Variants in MBNL2 observed in about 807,000 individuals in gnomAD.
MBNL2 encodes muscleblind-like protein 2.
In MBNL2, 17 loss-of-function variants were observed where a neutral mutation model predicts 41.9. That is an observed-to-expected ratio of 0.41 (90% CI 0.28 to 0.61). The LOEUF (loss-of-function observed/expected upper bound fraction) is 0.61. Ranked by LOEUF, MBNL2 falls within the 20% of genes least tolerant of loss-of-function variation. MBNL2 has a pLI of 0.35. For synonymous variants in MBNL2, 195 were observed against 182.9 expected (o/e 1.07, Z -0.53); for missense variants, 336 against 505.6 (o/e 0.66, Z 3.22).
upstream of MBNL2, among the ~76,000 whole-genome samples, chr13:97,217,793 G>A (rs1217287457): frequency 6.6e-6 from 1 of 152,084 alleles, no homozygotes; most frequent in African/African-American, 2.4e-5. Flanking sequence ...CTGAGGTGTG[G>A]TAAATGGAGT....
At chr13:97,298,043 C>T (rs1287851510) in intron 2 of MBNL2, among the ~76,000 whole-genome samples, 1 of 152,096 alleles carries the variant, frequency 6.6e-6, no homozygotes, top group Non-Finnish European at 1.5e-5. Context: ...GTGTATACTA[C>T]ACATTGTGAA....
chr13:97,288,131 A>G (rs1372919751), intron 2 of MBNL2, among the ~76,000 whole-genome samples: 1 of 151,682 alleles, frequency 6.6e-6, no homozygotes, highest in Non-Finnish European at 1.5e-5. Context: ...TTCTTTTTCC[A>G]TAATGCCTTT....
At chr13:97,226,702 G>A (rs558048440) in intron 1 of MBNL2, among the ~76,000 whole-genome samples, 4 of 152,190 alleles carry the variant, frequency 2.6e-5, no homozygotes, top group African/African-American at 9.6e-5. Flanking sequence ...CTCCAGATAA[G>A]TACTGTTTAA....
At position 97,251,019 on chromosome 13, in the gene MBNL2, A is replaced by G. The variant is rs2046400866; in HGVS notation, c.-604-24613A>G. Among the ~76,000 whole-genome samples the G allele has an allele frequency of 2.0e-5, 3 of 152,130 alleles. No homozygotes were observed. In the South Asian group the frequency reaches 6.2e-4, roughly 32 times the overall value. On this transcript the variant is annotated intron_variant, in intron 1 of 8. Transcript: ENST00000679496. ...CTTGCCATTGCTATTTCCACTGCCC[A>G]GGAAGAAGAACTCTTGTACGGTCAG...
chr13:97,269,385 T>G (rs2050469516), intron 1 of MBNL2, among the ~76,000 whole-genome samples: 4 of 152,120 alleles, frequency 2.6e-5, no homozygotes, highest in Admixed American at 2.0e-4. Context: ...TGATGGAAAT[T>G]TTCCTAATTT....
At chr13:97,220,661 T>A (rs1248484692), upstream of MBNL2, among the ~76,000 whole-genome samples, 1 of 152,244 alleles carries the variant, frequency 6.6e-6, no homozygotes, top group Admixed American at 6.5e-5. Context: ...TGAGGAGGCC[T>A]GAGTTCCAGA....
chr13:97,145,251 G>A, the MBNL2 span, among the ~76,000 whole-genome samples: 1 of 152,186 alleles, frequency 6.6e-6, no homozygotes, highest in Non-Finnish European at 1.5e-5. Flanking sequence ...GGAGATGTGT[G>A]TTATTGCACT....
In MBNL2 at chr13:97,372,524, A is replaced by C. The variant is rs1376458845; in HGVS notation, c.1048+7353A>C. Among the ~76,000 whole-genome samples the C allele has an allele frequency of 2.0e-5, 3 of 152,204 alleles. No individual in the cohort carries two copies. The East Asian group carries it at 5.8e-4, about 29-fold the overall frequency. ...TGGCCTTAGGAAGAATTTATTGGAA[A>C]TTAGTTGATAATATGTCATATACAT... is the stretch of plus-strand genomic sequence containing the variant. On this transcript the variant is annotated intron_variant, in intron 8 of 8. Coordinates refer to ENST00000679496, the MANE Select transcript of MBNL2 (RefSeq NM_001382683.1).
chr13:97,375,876 A>C (rs1240212173), intron 8 of MBNL2, among the ~76,000 whole-genome samples: 2 of 152,200 alleles, frequency 1.3e-5, no homozygotes, highest in African/African-American at 4.8e-5. Context: ...ACTGTGGCTT[A>C]TGTGAGCCAG....
At chr13:97,183,201 T>A in the MBNL2 span, among the ~76,000 whole-genome samples, 1 of 152,210 alleles carries the variant, frequency 6.6e-6, no homozygotes, top group Admixed American at 6.5e-5. Context: ...TCTCTTCTGT[T>A]TTCATGGTTC....
At chr13:97,151,862 T>C in the MBNL2 span, among the ~76,000 whole-genome samples, 1 of 152,142 alleles carries the variant, frequency 6.6e-6, no homozygotes, top group African/African-American at 2.4e-5. Context: ...GAAATACTTA[T>C]AGTAATGAGT....
At chr13:97,151,843 G>A in the MBNL2 span, among the ~76,000 whole-genome samples, 1 of 152,074 alleles carries the variant, frequency 6.6e-6, no homozygotes, top group Non-Finnish European at 1.5e-5. Flanking sequence ...AGAAGATATG[G>A]GAGACCTGGA....
At chr13:97,225,368 T>C (rs2041442956) in intron 1 of MBNL2, among the ~76,000 whole-genome samples, 1 of 152,216 alleles carries the variant, frequency 6.6e-6, no homozygotes, top group African/African-American at 2.4e-5. Flanking sequence ...TATACTGATT[T>C]GTTTACATTT....
chr13:97,149,556 T>C, the MBNL2 span, among the ~76,000 whole-genome samples: 1 of 152,176 alleles, frequency 6.6e-6, no homozygotes, highest in Non-Finnish European at 1.5e-5. Flanking sequence ...ATGAGTTAGC[T>C]GTGGGCTAAG....
Position 97,346,278 on chromosome 13 carries a change from TG to T in MBNL2, c.541-524del, listed in dbSNP as rs1252262764. Among the ~76,000 whole-genome samples the T allele has an allele frequency of 6.6e-6, 1 of 151,664 alleles. No individual in the cohort carries two copies. Among genetic ancestry groups the T allele is most frequent in the Non-Finnish European group, 1.5e-5 (1 of 67,940 alleles). On this transcript the variant is annotated intron_variant, in intron 4 of 8. Coordinates refer to ENST00000679496, the MANE Select transcript of MBNL2 (RefSeq NM_001382683.1). This position sits in a 1 kb window ranked among gnomAD's most constrained non-coding sequence, Gnocchi z 4.2. ...ATGGATGGATGGATGGATGGATAGA[TG>T]GATGGGTGGATGGATAGATAGATGG...
chr13:97,319,818 A>G (rs536087301), intron 2 of MBNL2, among the ~76,000 whole-genome samples: 22 of 152,326 alleles, frequency 1.4e-4, no homozygotes, highest in Admixed American at 9.2e-4. Flanking sequence ...TTAGTGAAAC[A>G]TTTTGTCTTT....
chr13:97,373,988 CAA>C (rs1412269904), intron 8 of MBNL2, among the ~76,000 whole-genome samples: 1 of 148,512 alleles, frequency 6.7e-6, no homozygotes, highest in Non-Finnish European at 1.5e-5. Context: ...GAGAAAATGT[CAA>C]GAGTCCTTAT....
chr13:97,311,668 T>A (rs9584544), intron 2 of MBNL2, among the ~76,000 whole-genome samples: 6,147 of 151,074 alleles, frequency 0.041, 371 homozygotes, highest in African/African-American at 0.14. Flanking sequence ...CTTTTTTTTT[T>A]AAAAAAAAAC....
intron 3 of MBNL2, among the ~76,000 whole-genome samples, chr13:97,338,733 G>A (rs960453338): frequency 1.3e-5 from 2 of 152,170 alleles, no homozygotes; most frequent in Non-Finnish European, 2.9e-5. Context: ...GAACCACGAG[G>A]GACAAGTCTT....
Sources: gnomAD v4.1 joint callset for allele counts (sites outside exome capture counted in the v4.1 genomes callset) on GRCh38, gnomAD v4.1.1 for gene constraint, Gnocchi (gnomAD v3.1) non-coding constraint, MANE v1.5 for transcripts, NCBI Gene and HGNC (gene_info 2026-07-23, HGNC 2026-07-21) for gene names.